ACTL8: variants seen among roughly 807,000 people sequenced by gnomAD.
ACTL8 encodes the protein actin-like protein 8.
ACTL8 carries 3 observed loss-of-function variants against 9.3 expected under a neutral mutation model. The observed-to-expected ratio is 0.32, with a 90% confidence interval of 0.15 to 0.83. The LOEUF (loss-of-function observed/expected upper bound fraction) is 0.83. ACTL8 is among the 40% of genes least tolerant of loss of function. ACTL8 has a pLI of 0.57. For missense variants in ACTL8, 381 were observed against 492.2 expected, an observed-to-expected ratio of 0.77 and a Z score of 2.14; for synonymous variants, 224 against 205.9, an observed-to-expected ratio of 1.09 and a Z score of -0.75.
chr1:17,819,957 C>A (rs978424563), intron 1 of ACTL8, among the ~76,000 whole-genome samples: 2 of 151,900 alleles, frequency 1.3e-5, no homozygotes, highest in Non-Finnish European at 2.9e-5. Context: ...TGAAGTGAGA[C>A]GCGATCGTGC....
At chr1:17,756,300 G>C (rs2065969020) in intron 1 of ACTL8, among the ~76,000 whole-genome samples, 1 of 151,866 alleles carries the variant, frequency 6.6e-6, no homozygotes, top group South Asian at 2.1e-4. Flanking sequence ...ACCTATGAAA[G>C]CCCCCAGGGG....
At chr1:17,774,673 G>C (rs2066106965) in intron 1 of ACTL8, among the ~76,000 whole-genome samples, 1 of 152,112 alleles carries the variant, frequency 6.6e-6, no homozygotes, top group African/African-American at 2.4e-5. Flanking sequence ...AGGGAGCCAG[G>C]GAGGCTGGAG....
chr1:17,774,983 T>C (rs77816524), intron 1 of ACTL8, among the ~76,000 whole-genome samples: 3,135 of 152,278 alleles, frequency 0.021, 105 homozygotes, highest in African/African-American at 0.071. Context: ...GCGTGGGCTC[T>C]GGAATCTAGG....
chr1:17,783,335 G>GTTTTTTTTTTTTT (rs56666980), intron 1 of ACTL8, among the ~76,000 whole-genome samples: 2 of 139,204 alleles, frequency 1.4e-5, no homozygotes, highest in African/African-American at 5.6e-5. Context: ...AAAAAGAGGA[G>GTTTTTTTTTTTTT]TTTTTTTTTT....
rs202242597 is a variant in ACTL8, at chr1:17,822,980, C to T, written c.-24-5C>T. 80 of 1,592,424 alleles carry T rather than the reference C, an allele frequency of 5.0e-5. No homozygotes were observed. Among genetic ancestry groups the T allele is most frequent in the African/African-American group, 6.7e-5 (5 of 74,812 alleles). ...CACAACTAACCCCATCCTTTGCTTCCGCAGGTCCCACCCACCTCTGCCTCC... is the reference window on the plus strand; with the variant it reads ...CACAACTAACCCCATCCTTTGCTTCTGCAGGTCCCACCCACCTCTGCCTCC... On this transcript the variant is annotated splice_polypyrimidine_tract_variant and splice_region_variant and intron_variant, in intron 1 of 2. Transcript: ENST00000375406.
chr1:17,761,009 G>C (rs776453325), intron 1 of ACTL8, among the ~76,000 whole-genome samples: 4 of 152,162 alleles, frequency 2.6e-5, no homozygotes, highest in Non-Finnish European at 4.4e-5. Context: ...ATTGGAGGGA[G>C]CCAGGTCCCT....
chr1:17,784,925 C>T (rs1349333579), intron 1 of ACTL8, among the ~76,000 whole-genome samples: 1 of 152,196 alleles, frequency 6.6e-6, no homozygotes, highest in Non-Finnish European at 1.5e-5. Context: ...GGAAGCCTCA[C>T]AATCATGGCA....
chr1:17,784,205 C>T (rs969526735), intron 1 of ACTL8, among the ~76,000 whole-genome samples: 2 of 152,106 alleles, frequency 1.3e-5, no homozygotes, highest in Non-Finnish European at 2.9e-5. Flanking sequence ...ATCTTCTTAA[C>T]ATGGTGGAGT....
intron 1 of ACTL8, among the ~76,000 whole-genome samples, chr1:17,776,969 ATTTTTTTTTTTTTTTT>A (rs765972298): frequency 1.8e-4 from 9 of 50,550 alleles, no homozygotes; most frequent in South Asian, 1.0e-3. Flanking sequence ...CTGGCTAATG[ATTTTTTTTTTTTTTTT>A]TTTTTTTTTT....
chr1:17,826,742 AG>A lies in ACTL8; in HGVS notation c.*227del, dbSNP rs1226468773. 4.8e-6 allele frequency: 2 copies of A among 415,282 alleles called. No homozygotes were observed. Among genetic ancestry groups the A allele is most frequent in the Non-Finnish European group, 8.3e-6 (2 of 240,624 alleles). 25.7% of individuals were successfully genotyped at this position (415,282 alleles called of 1,614,324 possible). A position where few individuals can be genotyped will look rare whatever the true frequency, so the allele number is the denominator to read the frequency against. Reference sequence around the variant, plus strand: ...AAGATGTCATCCTTGGAAACCCTGCAGGGGACAGTTTTTCCAGGGTGGCCTA... The same window carrying A: ...AAGATGTCATCCTTGGAAACCCTGCAGGGACAGTTTTTCCAGGGTGGCCTA... On this transcript the variant is annotated 3_prime_UTR_variant, in exon 3 of 3. Coordinates refer to ENST00000375406, the MANE Select transcript of ACTL8 (RefSeq NM_030812.3). The surrounding 1 kb of genome is among the most constrained non-coding windows in gnomAD (Gnocchi z 4.5).
intron 1 of ACTL8, among the ~76,000 whole-genome samples, chr1:17,786,411 A>G (rs761383057): frequency 5.3e-5 from 8 of 152,220 alleles, no homozygotes; most frequent in Non-Finnish European, 1.0e-4. Context: ...AATAAGAGTT[A>G]TTAGTTTAAA....
chr1:17,760,504 T>G (rs7534822), intron 1 of ACTL8, among the ~76,000 whole-genome samples: 58,813 of 152,032 alleles, frequency 0.39, 11,675 homozygotes, highest in East Asian at 0.66. Flanking sequence ...GCACAGTGGT[T>G]GCAGCCAACA....
chr1:17,770,098 CAG>C (rs1209397970), intron 1 of ACTL8, among the ~76,000 whole-genome samples: 4 of 152,182 alleles, frequency 2.6e-5, no homozygotes, highest in Non-Finnish European at 5.9e-5. Flanking sequence ...CATCTGAGCT[CAG>C]AGTTAATAAT....
chr1:17,755,879 T>C (rs1160205469), intron 1 of ACTL8, among the ~76,000 whole-genome samples: 12 of 151,722 alleles, frequency 7.9e-5, no homozygotes, highest in Admixed American at 7.9e-4. Context: ...TGAGGGGCTC[T>C]TTCTGGAGGT....
chr1:17,820,210 C>T (rs1471334506), intron 1 of ACTL8, among the ~76,000 whole-genome samples: 1 of 152,114 alleles, frequency 6.6e-6, no homozygotes, highest in Non-Finnish European at 1.5e-5. Flanking sequence ...GATTTTGGTC[C>T]TTATAGTTTT....
chr1:17,759,722 A>AC (rs1340661487), intron 1 of ACTL8, among the ~76,000 whole-genome samples: 4 of 152,126 alleles, frequency 2.6e-5, no homozygotes, highest in African/African-American at 4.8e-5. Flanking sequence ...GCTGGAGTAG[A>AC]AGCCTCTTCC....
chr1:17,811,685 C>A (rs144956504), intron 1 of ACTL8, among the ~76,000 whole-genome samples: 185 of 152,226 alleles, frequency 1.2e-3, no homozygotes, highest in African/African-American at 4.1e-3. Context: ...ACGGAGAAGT[C>A]CAGTTTTTCC....
chr1:17,824,491 A>G (rs1343591384), intron 2 of ACTL8, among the ~76,000 whole-genome samples: 8 of 152,228 alleles, frequency 5.3e-5, no homozygotes, highest in Non-Finnish European at 1.0e-4. Flanking sequence ...TTGTTGCAGC[A>G]GAGACTGTTT....
intron 1 of ACTL8, among the ~76,000 whole-genome samples, chr1:17,784,288 T>C (rs2066178821): frequency 1.3e-5 from 2 of 152,130 alleles, no homozygotes. Context: ...GAACTCACTA[T>C]CTTGAGGACA....
Sources: gnomAD v4.1 joint callset for allele counts (sites outside exome capture counted in the v4.1 genomes callset) on GRCh38, gnomAD v4.1.1 for gene constraint, Gnocchi (gnomAD v3.1) non-coding constraint, MANE v1.5 for transcripts, NCBI Gene and HGNC (gene_info 2026-07-23, HGNC 2026-07-21) for gene names.